The following WDR70 variants were observed in gnomAD, a reference collection of about 807,000 sequenced individuals.
WDR70 encodes WD repeat-containing protein 70.
Under a neutral mutation model 88.6 loss-of-function variants are expected in WDR70, and 53 were observed. That is an observed-to-expected ratio of 0.60 (90% CI 0.48 to 0.75). WDR70 has a LOEUF of 0.75. Among genes scored for constraint, WDR70 ranks in the 30% least tolerant of loss-of-function variants. The probability of loss-of-function intolerance (pLI) is 0.00; values close to 1 mark genes in which losing one functional copy is unlikely to be tolerated. For missense variants in WDR70, 610 were observed against 823.2 expected, an observed-to-expected ratio of 0.74 and a Z score of 3.17; for synonymous variants, 280 against 270.0, an observed-to-expected ratio of 1.04 and a Z score of -0.36.
chr5:37,456,982 G>A (rs114877027), intron 7 of WDR70, among the ~76,000 whole-genome samples: 5,271 of 152,230 alleles, frequency 0.035, 312 homozygotes, highest in African/African-American at 0.12. Flanking sequence ...TGCCAGTGAG[G>A]TACTATGTAT....
At position 37,674,207 on chromosome 5, in the gene WDR70, A is replaced by G. The variant is rs539798734; in HGVS notation, c.1093-23448A>G. On this transcript the variant is annotated intron_variant, in intron 10 of 17. Coordinates refer to ENST00000265107, the MANE Select transcript of WDR70 (RefSeq NM_018034.4). ...AGGAATTGCCACACTGTCTTCCACA[A>G]TGGTTGAACTAATTTCCATTTTCTT... Among the ~76,000 whole-genome samples, 16 of 152,102 alleles carry G rather than the reference A, an allele frequency of 1.1e-4. No individual in the cohort carries two copies. The East Asian group carries it at 2.9e-3, about 28-fold the overall frequency.
At chr5:37,705,752 G>A (rs111244417) in intron 13 of WDR70, among the ~76,000 whole-genome samples, 35 of 152,282 alleles carry the variant, frequency 2.3e-4, no homozygotes, top group African/African-American at 7.9e-4. Context: ...CTCCAAGGTA[G>A]TAAGGAACTT....
intron 8 of WDR70, among the ~76,000 whole-genome samples, chr5:37,501,585 C>T (rs1272410416): frequency 5.3e-5 from 8 of 152,114 alleles, no homozygotes; most frequent in East Asian, 1.9e-4. Context: ...CATTCCGGGC[C>T]ATGGTTTGGA....
chr5:37,692,004 T>TA (rs1435531894), intron 10 of WDR70, among the ~76,000 whole-genome samples: 4 of 151,592 alleles, frequency 2.6e-5, no homozygotes, highest in Non-Finnish European at 5.9e-5. Context: ...ATAGACACAA[T>TA]AAAAAATGAT....
At chr5:37,585,558 C>G (rs1475597026) in intron 9 of WDR70, among the ~76,000 whole-genome samples, 2 of 152,172 alleles carry the variant, frequency 1.3e-5, no homozygotes, top group East Asian at 3.8e-4. Context: ...GAAATTTGTA[C>G]TATTAGATGC....
intron 13 of WDR70, among the ~76,000 whole-genome samples, chr5:37,707,941 AAAAAAAAATATATATATATATATATAT>A (rs1747393571): frequency 3.1e-5 from 1 of 32,612 alleles, no homozygotes; most frequent in African/African-American, 1.1e-4. Context: ...AAAAAAAAAA[AAAAAAAAATATATATATATATATATAT>A]ATATATATAT....
rs1738334865 is a variant in WDR70, at chr5:37,443,284, G to A, written c.598G>A (p.Gly200Arg). The A allele has an allele frequency of 1.2e-6, 2 of 1,613,622 alleles. No homozygotes were observed. The highest frequency in any genetic ancestry group is 2.7e-5 in the African/African-American group (2 of 74,912). The change falls in exon 7 of 18, where the codon GGA becomes AGA. Residue 200 changes from glycine to arginine, a missense_variant. Physicochemically the swap from Gly to Arg is moderately radical, Grantham distance 125. Transcript: ENST00000265107. ...TCCCTCAGGTGCCCGTTTGGTGACA[G>A]GAGGATATGACTATGATGTTAAGTT... ...LDPSGARLVT[G>R]GYDYDVKFWD...
At chr5:37,596,720 A>G (rs1743710682) in intron 9 of WDR70, among the ~76,000 whole-genome samples, 1 of 152,230 alleles carries the variant, frequency 6.6e-6, no homozygotes, top group Non-Finnish European at 1.5e-5. Flanking sequence ...ATATATATGT[A>G]TATTGCATAT....
chr5:37,534,273 G>A (rs1366372248), intron 9 of WDR70, among the ~76,000 whole-genome samples: 2 of 152,060 alleles, frequency 1.3e-5, no homozygotes, highest in African/African-American at 4.8e-5. Context: ...CCATTTAAAA[G>A]GTTTTGAATG....
chr5:37,483,248 G>GGCCTTC (rs1172313545), intron 8 of WDR70, among the ~76,000 whole-genome samples: 1 of 151,826 alleles, frequency 6.6e-6, no homozygotes, highest in East Asian at 1.9e-4. Flanking sequence ...AGGACCCTGC[G>GGCCTTC]GCCTTCCGCA....
At chr5:37,410,720 T>C (rs1481031152) in intron 5 of WDR70, among the ~76,000 whole-genome samples, 1 of 152,236 alleles carries the variant, frequency 6.6e-6, no homozygotes, top group Non-Finnish European at 1.5e-5. Flanking sequence ...CATTTTTGGT[T>C]TTTATAAATG....
chr5:37,539,784 T>G (rs1310330537), intron 9 of WDR70, among the ~76,000 whole-genome samples: 1 of 152,246 alleles, frequency 6.6e-6, no homozygotes, highest in African/African-American at 2.4e-5. Context: ...AGTACATCAC[T>G]AAACTTGTCC....
At chr5:37,420,649 C>T (rs1749918322) in intron 5 of WDR70, among the ~76,000 whole-genome samples, 1 of 151,996 alleles carries the variant, frequency 6.6e-6, no homozygotes, top group African/African-American at 2.4e-5. Flanking sequence ...CAGGCTGTTC[C>T]CGAACTCATG....
chr5:37,682,436 C>T (rs1039013909), intron 10 of WDR70, among the ~76,000 whole-genome samples: 21 of 151,640 alleles, frequency 1.4e-4, no homozygotes, highest in East Asian at 7.7e-4. Flanking sequence ...TTTTCAGCAC[C>T]GATTTTGGTT....
intron 10 of WDR70, among the ~76,000 whole-genome samples, chr5:37,628,559 G>A (rs574902594): frequency 7.9e-4 from 120 of 152,236 alleles, no homozygotes; most frequent in South Asian, 1.2e-3. Flanking sequence ...TCATGTGCAT[G>A]TAATACTTTC....
intron 9 of WDR70, among the ~76,000 whole-genome samples, chr5:37,564,522 A>G (rs1742674492): frequency 1.4e-5 from 2 of 140,904 alleles, no homozygotes; most frequent in South Asian, 4.6e-4. Flanking sequence ...CCGTGGAAAG[A>G]GAGGGAGAGG....
At position 37,498,499 on chromosome 5, in the gene WDR70, T is replaced by A. The variant is rs149623986; in HGVS notation, c.841-18015T>A. Among the ~76,000 whole-genome samples, 1,310 of 152,326 alleles carry A rather than the reference T, an allele frequency of 8.6e-3. 18 individuals carry two copies. Among genetic ancestry groups the A allele is most frequent in the African/African-American group, 0.03 (1,246 of 41,562 alleles). On this transcript the variant is annotated intron_variant, in intron 8 of 17. Transcript: ENST00000265107. ...ATATCATGTATAGACACTAATTACA[T>A]ACAAATTTACAGATTTTACTCTATT...
intron 6 of WDR70, among the ~76,000 whole-genome samples, chr5:37,439,623 C>G (rs78794196): frequency 0.048 from 5,181 of 107,142 alleles, 324 homozygotes; most frequent in African/African-American, 0.13. Flanking sequence ...CTTGGCTTAA[C>G]TCTTTTTTTT....
At chr5:37,412,882 A>G (rs1162885276) in intron 5 of WDR70, among the ~76,000 whole-genome samples, 2 of 152,200 alleles carry the variant, frequency 1.3e-5, no homozygotes, top group Non-Finnish European at 2.9e-5. Flanking sequence ...ATTCATGTAA[A>G]CACGCAACAT....
Sources: allele counts gnomAD v4.1 joint callset (sites outside exome capture counted in the v4.1 genomes callset), GRCh38; gene constraint gnomAD v4.1.1; transcripts MANE v1.5; gene names NCBI Gene and HGNC (gene_info 2026-07-23, HGNC 2026-07-21).